The following GALNT16 variants were observed in gnomAD, a reference collection of about 807,000 sequenced individuals.
GALNT16 encodes the protein UDP-GalNAc:polypeptide N-acetylgalactosaminyltransferase-like protein 1.
Under a neutral mutation model 76.1 loss-of-function variants are expected in GALNT16, and 40 were observed. The ratio of observed to expected loss-of-function variants is 0.53; its 90% CI spans 0.41 to 0.68. The LOEUF (loss-of-function observed/expected upper bound fraction) is 0.68. Ranked by LOEUF, GALNT16 falls within the 30% of genes least tolerant of loss-of-function variation. The pLI, the probability that GALNT16 is intolerant of heterozygous loss-of-function variation, is 0.00. For synonymous variants in GALNT16, 276 were observed against 285.2 expected (o/e 0.97, Z 0.32); for missense variants, 621 against 731.9 (o/e 0.85, Z 1.75).
rs569207349 is a variant in GALNT16, at chr14:69,261,170, C to T, written c.177+703C>T. 1.6e-3 allele frequency among the ~76,000 whole-genome samples: 239 copies of T among 152,056 alleles called. No individual in the cohort carries two copies. The highest frequency in any genetic ancestry group is 0.01 in the Middle Eastern group (3 of 294). Reference sequence around the variant, plus strand: ...ATACCCTTGCATGAAGTCAGCCTCGCGACATCTAAGCGGGCAGGGAAACAA... The same window carrying T: ...ATACCCTTGCATGAAGTCAGCCTCGTGACATCTAAGCGGGCAGGGAAACAA... On this transcript the variant is annotated intron_variant, in intron 1 of 14. Transcript: ENST00000448469. This position sits in a 1 kb window ranked among gnomAD's most constrained non-coding sequence, Gnocchi z 6.4.
intron 12 of GALNT16, 43 bp downstream of exon 12, chr14:69,341,807 G>C (rs893649054): frequency 7.3e-7 from 1 of 1,375,838 alleles, no homozygotes; most frequent in African/African-American, 1.4e-5. Context: ...GGCGGGTAGG[G>C]GGTGGTTGGG....
At chr14:69,303,723 C>T (rs2185493) in intron 1 of GALNT16, among the ~76,000 whole-genome samples, 76,867 of 152,032 alleles carry the variant, frequency 0.51, 20,330 homozygotes, top group East Asian at 0.91. Context: ...AATTTTTACA[C>T]AACTGCAATC....
intron 10 of GALNT16, 75 bp from the exon 11 acceptor site, chr14:69,339,452 C>T (rs1005316631): frequency 1.0e-5 from 9 of 870,410 alleles, no homozygotes; most frequent in African/African-American, 1.6e-5. Flanking sequence ...ATTCATGGAT[C>T]GATTAATCTT....
rs769803181 is a variant in GALNT16 at position 69,347,938 on chromosome 14, C to T, written c.1475C>T (p.Thr492Ile). 5.6e-6 allele frequency: 9 copies of T among 1,613,976 alleles called. No homozygotes were observed. Among genetic ancestry groups the T allele is most frequent in the Middle Eastern group, 3.3e-4 (2 of 6,084 alleles). The change falls in exon 14 of 15, where the codon ACC becomes ATC. Residue 492 changes from threonine (T) to isoleucine (I), a missense_variant. Thr to Ile is a moderately conservative substitution (Grantham distance 89, BLOSUM62 -1). Transcript: ENST00000448469. ...GGGAAGTGCCTGGCTGCCACCTCCA[C>T]CTTAATGTCCTCCCCTGGATCCCCA... The part of the protein sequence containing the change: ...QQGKCLAATS[T>I]LMSSPGSPVI...
the GALNT16 span, among the ~76,000 whole-genome samples, chr14:69,366,466 C>T: frequency 1.3e-5 from 2 of 152,300 alleles, no homozygotes; most frequent in Middle Eastern, 3.4e-3. Context: ...AATGTCAGCC[C>T]TTACAGGGCC....
the GALNT16 span, among the ~76,000 whole-genome samples, chr14:69,374,941 C>T: frequency 2.0e-5 from 3 of 152,132 alleles, no homozygotes; most frequent in Admixed American, 6.5e-5. Flanking sequence ...CTCACTCCTG[C>T]GGAAATGACA....
intron 9 of GALNT16, 61 bp from the exon 10 acceptor site, chr14:69,338,590 C>G: frequency 6.3e-7 from 1 of 1,595,970 alleles, no homozygotes; most frequent in South Asian, 1.1e-5. Flanking sequence ...AAGCCAGCCC[C>G]TTCCCACCCT....
intron 1 of GALNT16, among the ~76,000 whole-genome samples, chr14:69,296,169 A>T (rs910443754): frequency 1.3e-5 from 2 of 152,122 alleles, no homozygotes; most frequent in South Asian, 4.1e-4. Flanking sequence ...GTGTAGGAGG[A>T]AGAGAGGAGG....
rs767173986 is a variant in GALNT16, at chr14:69,339,587, C to T, written c.1155C>T (p.Ala385=). 6.2e-7 allele frequency: 1 copy of T among 1,610,962 alleles called. No individual in the cohort carries two copies. The highest frequency in any genetic ancestry group is 1.1e-5 in the South Asian group (1 of 90,730). ...MDEYKQYYYE[A]RPSAIGKAFG... ...AATACAAGCAATACTACTATGAGGCCCGGCCCTCGGCCATCGGGAAGGCCT... is the reference window on the plus strand; with the variant it reads ...AATACAAGCAATACTACTATGAGGCTCGGCCCTCGGCCATCGGGAAGGCCT... Residue 385 remains alanine (A), a synonymous_variant, in exon 11 of 15, where the codon GCC becomes GCT. Coordinates refer to ENST00000448469, the MANE Select transcript of GALNT16 (RefSeq NM_001168368.2).
intron 11 of GALNT16, among the ~76,000 whole-genome samples, chr14:69,340,591 T>C (rs764804234): frequency 2.6e-5 from 4 of 152,008 alleles, no homozygotes; most frequent in Non-Finnish European, 4.4e-5. Context: ...TTCAAGCGAT[T>C]CTCCTGCCTC....
intron 1 of GALNT16, among the ~76,000 whole-genome samples, chr14:69,311,104 C>G (rs919924185): frequency 6.6e-6 from 1 of 152,108 alleles, no homozygotes; most frequent in African/African-American, 2.4e-5. Context: ...ATATCACAGC[C>G]AGGGTGGCTT....
Position 69,333,146 on chromosome 14 carries a change from G to A in GALNT16, c.840G>A (p.Arg280=). ...TCCCTCTTGAGCAGAAGATGACCCGGACAGACCCCACCAGGCCCATAAGGT... is the reference window on the plus strand; with the variant it reads ...TCCCTCTTGAGCAGAAGATGACCCGAACAGACCCCACCAGGCCCATAAGGT... ...EQIPLEQKMT[R]TDPTRPIRTP... The change falls in exon 8 of 15, where the codon CGG becomes CGA. Residue 280 remains arginine, a synonymous_variant. Coordinates refer to ENST00000448469, the MANE Select transcript of GALNT16 (RefSeq NM_001168368.2). The surrounding 1 kb of genome is among the most constrained non-coding windows in gnomAD (Gnocchi z 4.2). 6.2e-7 allele frequency: 1 copy of A among 1,613,012 alleles called. No individual in the cohort carries two copies.
At chr14:69,368,023 G>A in the GALNT16 span, among the ~76,000 whole-genome samples, 1 of 152,022 alleles carries the variant, frequency 6.6e-6, no homozygotes, top group African/African-American at 2.4e-5. Flanking sequence ...AAAGAAAAGA[G>A]AAAGAATGGC....
At chr14:69,299,525 C>T (rs541244195) in intron 1 of GALNT16, among the ~76,000 whole-genome samples, 7 of 152,222 alleles carry the variant, frequency 4.6e-5, no homozygotes, top group Admixed American at 1.3e-4. Flanking sequence ...CAGCCTCATC[C>T]GTAAGGTGGG....
At chr14:69,340,881 T>C (rs1461269878) in intron 11 of GALNT16, among the ~76,000 whole-genome samples, 2 of 127,082 alleles carry the variant, frequency 1.6e-5, no homozygotes, top group Non-Finnish European at 3.7e-5. Flanking sequence ...TGGGGCGTAT[T>C]ATATTACAAA....
In GALNT16 at chr14:69,306,283, A is replaced by C. The variant is rs1373789959; in HGVS notation, c.178-14428A>C. On this transcript the variant is annotated intron_variant, in intron 1 of 14. Transcript: ENST00000448469. ...ACTGAGCCAATTTCCTACAGTTGGAACTAGGGTTTTTTTCCCACAATCTTT... is the reference window on the plus strand; with the variant it reads ...ACTGAGCCAATTTCCTACAGTTGGACCTAGGGTTTTTTTCCCACAATCTTT... Among the ~76,000 whole-genome samples the C allele has an allele frequency of 1.3e-4, 20 of 152,224 alleles. 1 individual carries two copies. The highest frequency in any genetic ancestry group is 1.3e-3 in the Admixed American group (20 of 15,276).
At chr14:69,311,064 G>A (rs1008821159) in intron 1 of GALNT16, among the ~76,000 whole-genome samples, 2 of 152,230 alleles carry the variant, frequency 1.3e-5, no homozygotes, top group Non-Finnish European at 2.9e-5. Context: ...TGCTCCAGCA[G>A]TGGTCCTGTC....
At chr14:69,346,810 T>C (rs2045570474) in intron 12 of GALNT16, among the ~76,000 whole-genome samples, 1 of 152,044 alleles carries the variant, frequency 6.6e-6, no homozygotes, top group South Asian at 2.1e-4. Flanking sequence ...AGGCCCAGCC[T>C]CCAGGGCAGA....
At chr14:69,347,276 G>A in intron 13 of GALNT16, 95 bp downstream of exon 13, 2 of 1,286,760 alleles carry the variant, frequency 1.6e-6, no homozygotes, top group Non-Finnish European at 2.1e-6. Context: ...CTCCTCCTCT[G>A]TCTACATCTT....
Sources: gnomAD v4.1 joint callset for allele counts (sites outside exome capture counted in the v4.1 genomes callset) on GRCh38, gnomAD v4.1.1 for gene constraint, Gnocchi (gnomAD v3.1) non-coding constraint, MANE v1.5 for transcripts, NCBI Gene and HGNC (gene_info 2026-07-23, HGNC 2026-07-21) for gene names.